The following PUM1 variants were observed in gnomAD, a reference collection of about 807,000 sequenced individuals.
PUM1 encodes the protein pumilio RNA binding family member 1, also known as pumilio homolog 1.
PUM1 carries 13 observed loss-of-function variants against 131.8 expected under a neutral mutation model. That is an observed-to-expected ratio of 0.10 (90% CI 0.06 to 0.16). The LOEUF (loss-of-function observed/expected upper bound fraction) is 0.16. Ranked by LOEUF, PUM1 falls within the 10% of genes least tolerant of loss-of-function variation. PUM1 has a pLI of 1.00. For synonymous variants in PUM1, 509 were observed against 556.5 expected, an observed-to-expected ratio of 0.91 and a Z score of 1.20; for missense variants, 961 against 1,512.4, an observed-to-expected ratio of 0.64 and a Z score of 6.05.
At position 30,932,709 on chromosome 1, in the gene PUM1, T is replaced by G. The variant is rs1049314902; in HGVS notation, c.*502A>C. On this transcript the variant is annotated 3_prime_UTR_variant, in exon 22 of 22. Coordinates refer to ENST00000426105, the MANE Select transcript of PUM1 (RefSeq NM_001020658.2). Reference sequence around the variant, plus strand: ...AAATGCCAGTTTGGGGTCATTTAACTACAATTCAAACTTCTCAGGTTTTTT... The same window carrying G: ...AAATGCCAGTTTGGGGTCATTTAACGACAATTCAAACTTCTCAGGTTTTTT... The G allele has an allele frequency of 6.7e-6, 1 of 150,064 alleles. No individual in the cohort carries two copies. The highest frequency in any genetic ancestry group is 2.4e-5 in the African/African-American group (1 of 41,062). The allele number at this position is 150,064 out of a possible 1,614,324, so 9.3% of individuals were successfully genotyped here.
At chr1:31,046,635 G>A (rs1643974519) in intron 2 of PUM1, among the ~76,000 whole-genome samples, 1 of 151,072 alleles carries the variant, frequency 6.6e-6, no homozygotes, top group South Asian at 2.1e-4. Context: ...AGCCTCCTAA[G>A]TAGCTGGGAT....
At chr1:30,952,785 C>A (rs1640002168) in intron 15 of PUM1, among the ~76,000 whole-genome samples, 1 of 151,588 alleles carries the variant, frequency 6.6e-6, no homozygotes, top group African/African-American at 2.4e-5. Flanking sequence ...TAGAAACCAG[C>A]CTCACATCAA....
At position 30,967,365 on chromosome 1, in the gene PUM1, T is replaced by A. The variant is rs117568247; in HGVS notation, c.1646-55A>T. 5.3e-3 allele frequency: 8,175 copies of A among 1,537,254 alleles called. 46 individuals are homozygous for A. The highest frequency in any genetic ancestry group is 0.025 in the East Asian group (1,107 of 43,976). On this transcript the variant is annotated intron_variant, in intron 11 of 21. Transcript: ENST00000426105. ...ATATGTTAAACAAACAAGTATCTCCTGGGCACCAACATATTGTCAATAATC... is the reference window on the plus strand; with the variant it reads ...ATATGTTAAACAAACAAGTATCTCCAGGGCACCAACATATTGTCAATAATC...
chr1:31,000,924 C>T (rs1216008076), intron 5 of PUM1, among the ~76,000 whole-genome samples: 3 of 151,856 alleles, frequency 2.0e-5, no homozygotes, highest in East Asian at 1.9e-4. Flanking sequence ...CAGTGGCTCA[C>T]GCCTGTAATC....
rs570825093 is a variant in PUM1 at position 31,026,214 on chromosome 1, C to A, written c.432+2582G>T. On this transcript the variant is annotated intron_variant, in intron 3 of 21. Coordinates refer to ENST00000426105, the MANE Select transcript of PUM1 (RefSeq NM_001020658.2). ...GAGGTTACAGTGAGCCGAGATTGTGCCACTTCACTCTAGCCTGGGTGACAG... is the reference window on the plus strand; with the variant it reads ...GAGGTTACAGTGAGCCGAGATTGTGACACTTCACTCTAGCCTGGGTGACAG... Among the ~76,000 whole-genome samples the A allele has an allele frequency of 4.9e-4, 75 of 151,728 alleles. 1 individual carries two copies. The highest frequency in any genetic ancestry group is 1.5e-3 in the South Asian group (7 of 4,810).
intron 19 of PUM1, 131 bp downstream of exon 19, chr1:30,941,867 T>C: frequency 1.9e-6 from 2 of 1,051,032 alleles, no homozygotes; most frequent in Admixed American, 1.9e-5. Context: ...TGAATACAAA[T>C]ACAACCACAA....
chr1:31,013,724 TTTGA>T (rs1348615915), intron 3 of PUM1, among the ~76,000 whole-genome samples: 3 of 151,444 alleles, frequency 2.0e-5, no homozygotes, highest in African/African-American at 7.3e-5. Flanking sequence ...AATGAGGAAG[TTTGA>T]TTGGTAACCA....
chr1:31,034,600 A>G (rs928654597), intron 2 of PUM1, among the ~76,000 whole-genome samples: 4 of 152,208 alleles, frequency 2.6e-5, no homozygotes, highest in Non-Finnish European at 5.9e-5. Flanking sequence ...GCCCTTTAAA[A>G]AAACAGAAAG....
chr1:31,060,108 G>A (rs1239079277), intron 1 of PUM1, among the ~76,000 whole-genome samples: 1 of 150,700 alleles, frequency 6.6e-6, no homozygotes, highest in African/African-American at 2.4e-5. Context: ...TCGGCCTCCG[G>A]AAGTGCTGGG....
chr1:31,019,650 C>A (rs549393312), intron 3 of PUM1, among the ~76,000 whole-genome samples: 1 of 152,302 alleles, frequency 6.6e-6, no homozygotes, highest in East Asian at 1.9e-4. Flanking sequence ...CATACACGTG[C>A]CCTTCTGAAT....
chr1:30,984,664 G>C (rs1641477595), intron 7 of PUM1, among the ~76,000 whole-genome samples: 1 of 152,132 alleles, frequency 6.6e-6, no homozygotes. Flanking sequence ...AAGCTGGTTT[G>C]CCTCCTTTCT....
At chr1:31,026,428 C>A (rs1304126109) in intron 3 of PUM1, among the ~76,000 whole-genome samples, 2 of 152,112 alleles carry the variant, frequency 1.3e-5, no homozygotes, top group Non-Finnish European at 2.9e-5. Context: ...TCTAACTAGT[C>A]CTGTCAATAA....
intron 3 of PUM1, among the ~76,000 whole-genome samples, chr1:31,028,469 G>A (rs1409276960): frequency 6.6e-6 from 1 of 152,128 alleles, no homozygotes; most frequent in Non-Finnish European, 1.5e-5. Flanking sequence ...TGAAGTAAAG[G>A]TTGGCCTTTT....
intron 14 of PUM1, among the ~76,000 whole-genome samples, chr1:30,964,055 C>T (rs1390120703): frequency 6.6e-6 from 1 of 152,056 alleles, no homozygotes; most frequent in African/African-American, 2.4e-5. Flanking sequence ...TTGGGATCCT[C>T]TTTTTCTCTC....
intron 9 of PUM1, 84 bp from the exon 10 acceptor site, chr1:30,974,886 G>A (rs893519913): frequency 5.0e-6 from 5 of 1,004,482 alleles, no homozygotes; most frequent in Non-Finnish European, 5.8e-6. Context: ...TGACTCAATA[G>A]ATCCTACTGT....
intron 2 of PUM1, among the ~76,000 whole-genome samples, chr1:31,045,996 C>G (rs1426022210): frequency 6.6e-6 from 1 of 151,758 alleles, no homozygotes; most frequent in Non-Finnish European, 1.5e-5. Context: ...GCAGGAGAAT[C>G]GCTTGAACCC....
intron 3 of PUM1, among the ~76,000 whole-genome samples, chr1:31,019,847 G>A (rs975544640): frequency 2.0e-5 from 3 of 151,952 alleles, no homozygotes; most frequent in African/African-American, 7.3e-5. Flanking sequence ...GGGATGTTAT[G>A]TTATCTACAG....
At chr1:30,935,422 A>C (rs747598981) in intron 21 of PUM1, among the ~76,000 whole-genome samples, 2 of 152,216 alleles carry the variant, frequency 1.3e-5, no homozygotes, top group Non-Finnish European at 2.9e-5. Flanking sequence ...CCCAGTAACT[A>C]TCTGTGCACA....
At chr1:31,018,079 G>A (rs767151575) in intron 3 of PUM1, among the ~76,000 whole-genome samples, 4 of 152,114 alleles carry the variant, frequency 2.6e-5, no homozygotes, top group South Asian at 2.1e-4. Context: ...TACCAGGCGC[G>A]GTGGCTCATG....
Sources: gnomAD v4.1 joint callset for allele counts (sites outside exome capture counted in the v4.1 genomes callset) on GRCh38, gnomAD v4.1.1 for gene constraint, MANE v1.5 for transcripts, NCBI Gene and HGNC (gene_info 2026-07-23, HGNC 2026-07-21) for gene names.